TRAPPC6A: variants seen among roughly 807,000 people sequenced by gnomAD.
TRAPPC6A encodes TRAPP complex subunit 6A.
Under a neutral mutation model 20.8 loss-of-function variants are expected in TRAPPC6A, and 25 were observed. That is an observed-to-expected ratio of 1.20 (90% confidence interval 0.88 to 1.68). The LOEUF is 1.68. Ranked by LOEUF, TRAPPC6A falls within the 40% of genes most tolerant of loss-of-function variation. The pLI is 0.00. For synonymous variants in TRAPPC6A, 96 were observed against 93.3 expected, an observed-to-expected ratio of 1.03 and a Z score of -0.16; for missense variants, 215 against 211.6, an observed-to-expected ratio of 1.02 and a Z score of -0.10.
At chr19:45,174,085 G>C (rs1193063796) in intron 1 of TRAPPC6A, among the ~76,000 whole-genome samples, 1 of 152,188 alleles carries the variant, frequency 6.6e-6, no homozygotes, top group Non-Finnish European at 1.5e-5. Flanking sequence ...GGAAATGCAA[G>C]TGAGAGTTTA....
At chr19:45,167,543 C>T (rs187523915) in intron 1 of TRAPPC6A, among the ~76,000 whole-genome samples, 3 of 152,322 alleles carry the variant, frequency 2.0e-5, no homozygotes, top group South Asian at 2.1e-4. Context: ...AGTGCAACGG[C>T]GCGATCTCAG....
chr19:45,163,053 T>G lies in TRAPPC6A; in HGVS notation c.*139A>C. 2.0e-6 allele frequency: 2 copies of G among 989,090 alleles called. No homozygotes were observed. The highest frequency in any genetic ancestry group is 1.6e-5 in the South Asian group (1 of 63,400). 61.3% of individuals were successfully genotyped at this position (989,090 alleles called of 1,614,324 possible). On this transcript the variant is annotated 3_prime_UTR_variant, in exon 6 of 6. Transcript: ENST00000585934. This position sits in a 1 kb window ranked among gnomAD's most constrained non-coding sequence, Gnocchi z 5.3. ...GCCTCCTCTGACACCCCCACCTCAA[T>G]TTGATACCCACTTCCTGAGCAAATG...
chr19:45,171,258 C>T (rs1285692515), intron 1 of TRAPPC6A, among the ~76,000 whole-genome samples: 1 of 152,146 alleles, frequency 6.6e-6, no homozygotes, highest in Non-Finnish European at 1.5e-5. Context: ...GCTGAGATCA[C>T]ACCAACACAT....
rs534663807 is a variant in TRAPPC6A at position 45,163,697 on chromosome 19, G to A, written c.448+219C>T. 4.6e-5 allele frequency among the ~76,000 whole-genome samples: 7 copies of A among 152,300 alleles called. No homozygotes were observed. In the East Asian group the frequency reaches 1.2e-3, roughly 25 times the overall value. Reference sequence around the variant, plus strand: ...CTATTGCGTCCACCTCGGCTCCCATGCTGGGAAACGATGTTCAAAACCGCC... The same window carrying A: ...CTATTGCGTCCACCTCGGCTCCCATACTGGGAAACGATGTTCAAAACCGCC... On this transcript the variant is annotated intron_variant, in intron 5 of 5. Transcript: ENST00000585934. The surrounding 1 kb of genome is among the most constrained non-coding windows in gnomAD (Gnocchi z 5.3).
At chr19:45,176,421 G>A (rs1039495211) in intron 1 of TRAPPC6A, among the ~76,000 whole-genome samples, 5 of 151,898 alleles carry the variant, frequency 3.3e-5, no homozygotes, top group South Asian at 2.1e-4. Flanking sequence ...CCAAGATTGC[G>A]CCACTGCACT....
chr19:45,165,748 A>C (rs1969138678), intron 1 of TRAPPC6A, among the ~76,000 whole-genome samples: 1 of 152,154 alleles, frequency 6.6e-6, no homozygotes, highest in East Asian at 1.9e-4. Context: ...TGGGTGCTCG[A>C]AAAGGACAGT....
chr19:45,177,921 G>A (rs1373402944), intron 1 of TRAPPC6A, among the ~76,000 whole-genome samples: 2 of 152,214 alleles, frequency 1.3e-5, no homozygotes, highest in Non-Finnish European at 2.9e-5. Context: ...TGAGCTAAGT[G>A]CTTTACCCTG....
At position 45,163,719 on chromosome 19, in the gene TRAPPC6A, C is replaced by T. The variant is rs545929103; in HGVS notation, c.448+197G>A. 3.9e-5 allele frequency among the ~76,000 whole-genome samples: 6 copies of T among 152,138 alleles called. No homozygotes were observed. Among genetic ancestry groups the T allele is most frequent in the African/African-American group, 7.2e-5 (3 of 41,430 alleles). On this transcript the variant is annotated intron_variant, in intron 5 of 5. Transcript: ENST00000585934. The surrounding 1 kb of genome is among the most constrained non-coding windows in gnomAD (Gnocchi z 5.3). ...CATGCTGGGAAACGATGTTCAAAACCGCCAGACAGTTCTCTCTGCAGGGCT... is the reference window on the plus strand; with the variant it reads ...CATGCTGGGAAACGATGTTCAAAACTGCCAGACAGTTCTCTCTGCAGGGCT...
intron 1 of TRAPPC6A, among the ~76,000 whole-genome samples, chr19:45,175,492 G>A (rs1374949012): frequency 1.3e-5 from 2 of 152,012 alleles, no homozygotes; most frequent in Non-Finnish European, 2.9e-5. Context: ...AAAAAAGTGC[G>A]AGAGGGAGAC....
At chr19:45,169,994 T>C (rs185990815) in intron 1 of TRAPPC6A, among the ~76,000 whole-genome samples, 64 of 152,236 alleles carry the variant, frequency 4.2e-4, no homozygotes, top group African/African-American at 1.4e-3. Flanking sequence ...TGATGCCAAC[T>C]GACAATCTGG....
At chr19:45,165,034 C>T (rs77838861) in intron 2 of TRAPPC6A, 64 bp from the exon 3 acceptor site, 177,679 of 1,608,352 alleles carry the variant, frequency 0.11, 11,032 homozygotes, top group Middle Eastern at 0.14. Flanking sequence ...AAGACAGGCC[C>T]GACTCCTGCA....
At position 45,178,213 on chromosome 19, in the gene TRAPPC6A, C is replaced by T. The variant is rs1391572986; in HGVS notation, c.6G>A (p.Ala2=). 4.4e-6 allele frequency: 7 copies of T among 1,595,982 alleles called. No homozygotes were observed. The highest frequency in any genetic ancestry group is 2.2e-5 in the South Asian group (2 of 90,142). ...GAAGAAACTCAAACAACACAGTATCCGCCATGCCCCCTCCTCGCACGCCTA... is the reference window on the plus strand; with the variant it reads ...GAAGAAACTCAAACAACACAGTATCTGCCATGCCCCCTCCTCGCACGCCTA... The part of the protein sequence containing the change: M[A]DTVLFEFLHT... Residue 2 remains alanine (A), a synonymous_variant, in exon 1 of 6, where the codon GCG becomes GCA. Transcript: ENST00000585934.
At chr19:45,171,876 G>A (rs1051707666) in intron 1 of TRAPPC6A, among the ~76,000 whole-genome samples, 60 of 152,344 alleles carry the variant, frequency 3.9e-4, no homozygotes, top group African/African-American at 1.4e-3. Flanking sequence ...GCAAACCAAA[G>A]CCCCTTTAGA....
At chr19:45,168,151 C>T (rs1382854339) in intron 1 of TRAPPC6A, among the ~76,000 whole-genome samples, 1 of 151,652 alleles carries the variant, frequency 6.6e-6, no homozygotes, top group African/African-American at 2.4e-5. Flanking sequence ...TATAGGCACC[C>T]GCCACCACGC....
chr19:45,174,573 A>T (rs1207614853), intron 1 of TRAPPC6A, among the ~76,000 whole-genome samples: 1 of 152,096 alleles, frequency 6.6e-6, no homozygotes, highest in East Asian at 1.9e-4. Context: ...CTGTAATCCC[A>T]GGTGTGAGTT....
chr19:45,166,668 G>A (rs1007477684), intron 1 of TRAPPC6A, among the ~76,000 whole-genome samples: 3 of 152,132 alleles, frequency 2.0e-5, no homozygotes, highest in African/African-American at 7.2e-5. Context: ...GGGGAACAGA[G>A]GCGGCAGGTG....
rs998640416 is a variant in TRAPPC6A at position 45,163,841 on chromosome 19, A to T, written c.448+75T>A. On this transcript the variant is annotated intron_variant, in intron 5 of 5. Coordinates refer to ENST00000585934, the MANE Select transcript of TRAPPC6A (RefSeq NM_001270891.2). This position sits in a 1 kb window ranked among gnomAD's most constrained non-coding sequence, Gnocchi z 5.3. ...GGGCCTGCCTCCCAGGCACACACAC[A>T]GGAGTGGGGCTGGAACTCTGAAGCC... is the stretch of plus-strand genomic sequence containing the variant. 1 of 1,324,792 alleles carries T rather than the reference A, an allele frequency of 7.5e-7. No individual in the cohort carries two copies. Among genetic ancestry groups the T allele is most frequent in the Non-Finnish European group, 1.1e-6 (1 of 949,504 alleles). The allele number at this position is 1,324,792 out of a possible 1,614,324, so 82.1% of individuals were successfully genotyped here. A position where few individuals can be genotyped will look rare whatever the true frequency, so the allele number is the denominator to read the frequency against.
chr19:45,166,643 G>A (rs996185574), intron 1 of TRAPPC6A, among the ~76,000 whole-genome samples: 2 of 152,008 alleles, frequency 1.3e-5, no homozygotes, highest in Admixed American at 6.6e-5. Context: ...GAGAAAGCCT[G>A]GCAGAGCAGA....
At chr19:45,174,842 C>T (rs957169610) in intron 1 of TRAPPC6A, among the ~76,000 whole-genome samples, 2 of 151,490 alleles carry the variant, frequency 1.3e-5, no homozygotes, top group African/African-American at 2.4e-5. Flanking sequence ...AAAAATCAGC[C>T]GGGCGTGGTG....
Sources: gnomAD v4.1 joint callset for allele counts (sites outside exome capture counted in the v4.1 genomes callset) on GRCh38, gnomAD v4.1.1 for gene constraint, Gnocchi (gnomAD v3.1) non-coding constraint, MANE v1.5 for transcripts, NCBI Gene and HGNC (gene_info 2026-07-23, HGNC 2026-07-21) for gene names.